Variants in PARD3 observed in about 807,000 individuals in gnomAD.
The protein encoded by PARD3 is partitioning defective 3 homolog.
A neutral mutation model predicts 155.4 loss-of-function variants in PARD3; 75 were observed. The ratio of observed to expected loss-of-function variants is 0.48; its 90% CI spans 0.40 to 0.58. The LOEUF is 0.58. Among genes scored for constraint, PARD3 ranks in the 20% least tolerant of loss-of-function variants. PARD3 has a pLI of 0.00. For missense variants in PARD3, 1,642 were observed against 1,721.7 expected (o/e 0.95, Z 0.82); for synonymous variants, 576 against 610.5 (o/e 0.94, Z 0.83).
intron 2 of PARD3, among the ~76,000 whole-genome samples, chr10:34,548,492 C>T (rs755345687): frequency 6.6e-6 from 1 of 152,098 alleles, no homozygotes; most frequent in Non-Finnish European, 1.5e-5. Flanking sequence ...GAGCAAGACT[C>T]TGTCTCAAAA....
At chr10:34,673,602 G>T (rs1050349463) in intron 2 of PARD3, among the ~76,000 whole-genome samples, 3 of 152,164 alleles carry the variant, frequency 2.0e-5, no homozygotes, top group Admixed American at 2.0e-4. Flanking sequence ...TAGGGCTGGG[G>T]TGACATTAGT....
In PARD3 at chr10:34,374,906, G is replaced by C; in HGVS notation, c.1636C>G (p.Arg546Gly). 1 of 1,613,914 alleles carries C rather than the reference G, an allele frequency of 6.2e-7. No homozygotes were observed. Among genetic ancestry groups the C allele is most frequent in the Non-Finnish European group, 8.5e-7 (1 of 1,179,890 alleles). ...CTTGGGTGGAAGGCGTCTTCCTGGC[G>C]AAAGACCAGAAGGCTCACAGTTCCT... ...MEGTVSLLVFRQEDAFHPREL... is the reference protein window; with the variant it reads ...MEGTVSLLVFGQEDAFHPREL... Residue 546 changes from arginine (R) to glycine (G), a missense_variant, in exon 11 of 25, where the codon CGC (arginine) becomes GGC (glycine). Physicochemically the swap from Arg to Gly is moderately radical, Grantham distance 125. Transcript: ENST00000374788.
intron 22 of PARD3, among the ~76,000 whole-genome samples, chr10:34,198,455 T>C (rs1446857665): frequency 5.6e-5 from 2 of 35,418 alleles, no homozygotes; most frequent in Non-Finnish European, 1.2e-4. Flanking sequence ...CACTAATTGG[T>C]GTGTGTGTGT....
At chr10:34,294,693 A>G (rs1484784340) in intron 20 of PARD3, among the ~76,000 whole-genome samples, 2 of 152,186 alleles carry the variant, frequency 1.3e-5, no homozygotes, top group South Asian at 4.1e-4. Context: ...AGGCCCAATA[A>G]AGGGCTCTGT....
chr10:34,250,252 C>T (rs1023025431), intron 22 of PARD3, among the ~76,000 whole-genome samples: 43 of 151,962 alleles, frequency 2.8e-4, no homozygotes, highest in Admixed American at 2.4e-3. Flanking sequence ...CTTCTGAATG[C>T]TGGAAACATC....
At chr10:34,332,478 A>G (rs771426218) in intron 18 of PARD3, among the ~76,000 whole-genome samples, 14 of 152,204 alleles carry the variant, frequency 9.2e-5, no homozygotes, top group Non-Finnish European at 1.8e-4. Context: ...TCATCAGCCC[A>G]TATGTTGATC....
chr10:34,532,128 G>A (rs2082901154), intron 2 of PARD3, among the ~76,000 whole-genome samples: 1 of 152,092 alleles, frequency 6.6e-6, no homozygotes, highest in South Asian at 2.1e-4. Flanking sequence ...TATGCTCTGT[G>A]TATATGGACG....
chr10:34,494,699 G>C (rs2133358785), intron 3 of PARD3, among the ~76,000 whole-genome samples: 1 of 152,212 alleles, frequency 6.6e-6, no homozygotes, highest in Non-Finnish European at 1.5e-5. Context: ...CATATACAAG[G>C]AATAGGAAAT....
chr10:34,691,434 A>G (rs1216934657), intron 2 of PARD3, among the ~76,000 whole-genome samples: 13 of 152,252 alleles, frequency 8.5e-5, no homozygotes, highest in African/African-American at 3.1e-4. Context: ...CTGCTCAAAG[A>G]AACCAGATAT....
chr10:34,654,314 C>T (rs745482539), intron 2 of PARD3, among the ~76,000 whole-genome samples: 5 of 152,134 alleles, frequency 3.3e-5, no homozygotes, highest in Non-Finnish European at 7.3e-5. Context: ...TTTTCACCAT[C>T]ACAACATCCC....
rs75900274 is a variant in PARD3, at chr10:34,587,579, T to G, written c.223-70420A>C. 1.6e-3 allele frequency among the ~76,000 whole-genome samples: 236 copies of G among 152,230 alleles called. 3 individuals are homozygous for G. The East Asian group carries it at 0.044, about 28-fold the overall frequency. ...GGAATTCATGTGTCATACCCTAGAT[T>G]CCTTTGAAACTTTGCAAAAGAAGGG... On this transcript the variant is annotated intron_variant, in intron 2 of 24. Coordinates refer to ENST00000374788, the MANE Select transcript of PARD3 (RefSeq NM_001184785.2).
rs186657086 is a variant in PARD3, at chr10:34,119,849, A to C, written c.3541-109T>G. The C allele has an allele frequency of 1.7e-4, 179 of 1,034,798 alleles. No homozygotes were observed. The East Asian group carries it at 4.7e-3, about 27-fold the overall frequency. 64.1% of individuals were successfully genotyped at this position (1,034,798 alleles called of 1,614,324 possible). On this transcript the variant is annotated intron_variant, in intron 23 of 24. Transcript: ENST00000374788. ...TGAATTGACTTTGAAAATTTTGAAA[A>C]TTCTGTGATTTGTTTTTCAAAATCG...
At chr10:34,516,438 A>C (rs548425060) in intron 3 of PARD3, among the ~76,000 whole-genome samples, 1 of 152,180 alleles carries the variant, frequency 6.6e-6, no homozygotes, top group Non-Finnish European at 1.5e-5. Context: ...CCAGATCTGG[A>C]ATACCCAGGG....
At chr10:34,454,258 G>A (rs2077214818) in intron 4 of PARD3, among the ~76,000 whole-genome samples, 1 of 151,994 alleles carries the variant, frequency 6.6e-6, no homozygotes, top group African/African-American at 2.4e-5. Context: ...GTGCATACAA[G>A]GACTGTAGGC....
At chr10:34,669,654 AAG>A (rs771136341) in intron 2 of PARD3, among the ~76,000 whole-genome samples, 57 of 152,218 alleles carry the variant, frequency 3.7e-4, no homozygotes, top group Non-Finnish European at 6.3e-4. Context: ...TATGCACCGT[AAG>A]AGAGAAGCAG....
At chr10:34,759,701 C>G (rs1005414096) in intron 1 of PARD3, among the ~76,000 whole-genome samples, 5 of 152,224 alleles carry the variant, frequency 3.3e-5, no homozygotes, top group Admixed American at 3.3e-4. Context: ...CAACATGCTA[C>G]GCACAAGGAT....
chr10:34,280,905 G>T (rs1051098387), intron 21 of PARD3, among the ~76,000 whole-genome samples: 2 of 152,180 alleles, frequency 1.3e-5, no homozygotes, highest in Non-Finnish European at 2.9e-5. Context: ...AGAGTAGAAA[G>T]ATACGCATAT....
At position 34,210,575 on chromosome 10, in the gene PARD3, T is replaced by C. The variant is rs680275; in HGVS notation, c.3419+59082A>G. ...TCCGGCGGTACAAAGTGGAAATAATTGATCATTCTCTCCTGATTGACATAG... is the reference window on the plus strand; with the variant it reads ...TCCGGCGGTACAAAGTGGAAATAATCGATCATTCTCTCCTGATTGACATAG... On this transcript the variant is annotated intron_variant, in intron 22 of 24. Coordinates refer to ENST00000374788, the MANE Select transcript of PARD3 (RefSeq NM_001184785.2). 3.8e-3 allele frequency among the ~76,000 whole-genome samples: 586 copies of C among 152,268 alleles called. 4 individuals carry two copies. The highest frequency in any genetic ancestry group is 0.013 in the African/African-American group (554 of 41,548).
At chr10:34,479,290 T>C (rs1380508957) in intron 3 of PARD3, among the ~76,000 whole-genome samples, 41 of 151,212 alleles carry the variant, frequency 2.7e-4, no homozygotes, top group Non-Finnish European at 1.5e-5. Flanking sequence ...GCCTCCCGAG[T>C]AGCTGGGACT....
Sources: allele counts gnomAD v4.1 joint callset (sites outside exome capture counted in the v4.1 genomes callset), GRCh38; gene constraint gnomAD v4.1.1; transcripts MANE v1.5; gene names NCBI Gene and HGNC (gene_info 2026-07-23, HGNC 2026-07-21).